The following HMGB1 variants were observed in gnomAD, a reference collection of about 807,000 sequenced individuals.
The protein encoded by HMGB1 is high mobility group protein B1.
For synonymous variants in HMGB1, 81 were observed against 84.0 expected, an observed-to-expected ratio of 0.96 and a Z score of 0.19; for missense variants, 79 against 253.5, an observed-to-expected ratio of 0.31 and a Z score of 4.67.
chr13:30,491,403 G>T (rs1887488855), intron 1 of HMGB1, among the ~76,000 whole-genome samples: 1 of 152,148 alleles, frequency 6.6e-6, no homozygotes, highest in African/African-American at 2.4e-5. Context: ...AAACCTTGAG[G>T]CTGGGCACGG....
intron 1 of HMGB1, among the ~76,000 whole-genome samples, chr13:30,501,221 AC>A (rs1327705488): frequency 6.6e-6 from 1 of 152,198 alleles, no homozygotes; most frequent in Non-Finnish European, 1.5e-5. Context: ...CAAATTACAT[AC>A]TTTTAAGCTA....
chr13:30,599,412 G>A lies in HMGB1; in HGVS notation c.-15+17259C>T, dbSNP rs545560896. Among the ~76,000 whole-genome samples, 9 of 152,330 alleles carry A rather than the reference G, an allele frequency of 5.9e-5. No individual in the cohort carries two copies. The East Asian group carries it at 1.7e-3, about 29-fold the overall frequency. ...GAACCTGGGAGGCGGAGGTTGTGATGAGCTGAGATCAGGCCATTGTACTCC... is the reference window on the plus strand; with the variant it reads ...GAACCTGGGAGGCGGAGGTTGTGATAAGCTGAGATCAGGCCATTGTACTCC... On this transcript the variant is annotated intron_variant, in intron 1 of 4. Coordinates refer to the HMGB1 transcript ENST00000405805.
chr13:30,604,629 C>T (rs1425981142), intron 1 of HMGB1, among the ~76,000 whole-genome samples: 1 of 152,154 alleles, frequency 6.6e-6, no homozygotes, highest in African/African-American at 2.4e-5. Context: ...GTGGTAAGAG[C>T]TGGAGAAGTG....
At chr13:30,470,574 G>A (rs1259699323), upstream of HMGB1, among the ~76,000 whole-genome samples, 2 of 152,338 alleles carry the variant, frequency 1.3e-5, no homozygotes, top group Middle Eastern at 3.4e-3. Flanking sequence ...ACTATGGCAA[G>A]CCAAATTAGA....
At chr13:30,533,933 C>T (rs900346258) in intron 1 of HMGB1, among the ~76,000 whole-genome samples, 1 of 147,368 alleles carries the variant, frequency 6.8e-6, no homozygotes, top group East Asian at 2.0e-4. Flanking sequence ...GGTGTGATCT[C>T]GGCTCACCGC....
chr13:30,537,507 G>C (rs968594632), intron 1 of HMGB1, among the ~76,000 whole-genome samples: 1 of 151,422 alleles, frequency 6.6e-6, no homozygotes, highest in Non-Finnish European at 1.5e-5. Flanking sequence ...GCCTGTTTTT[G>C]AATTTTTATA....
intron 1 of HMGB1, among the ~76,000 whole-genome samples, chr13:30,563,311 A>G (rs1404488291): frequency 6.6e-6 from 1 of 152,180 alleles, no homozygotes; most frequent in East Asian, 1.9e-4. Flanking sequence ...GGCTATTATT[A>G]ATAAAACATT....
chr13:30,607,865 G>A (rs1225970721), intron 1 of HMGB1, among the ~76,000 whole-genome samples: 3 of 152,198 alleles, frequency 2.0e-5, no homozygotes, highest in African/African-American at 7.2e-5. Flanking sequence ...CGATTTTATT[G>A]GGATATTAGA....
chr13:30,482,030 A>G (rs996362364), intron 1 of HMGB1, among the ~76,000 whole-genome samples: 1 of 152,108 alleles, frequency 6.6e-6, no homozygotes, highest in African/African-American at 2.4e-5. Flanking sequence ...GGGTTTCACC[A>G]TATTGGCCAG....
At chr13:30,604,392 C>T (rs947650281) in intron 1 of HMGB1, among the ~76,000 whole-genome samples, 2 of 152,026 alleles carry the variant, frequency 1.3e-5, no homozygotes, top group Non-Finnish European at 2.9e-5. Context: ...ATCCAATATC[C>T]CCCCAAGGAA....
At position 30,601,520 on chromosome 13, in the gene HMGB1, C is replaced by T. The variant is rs1303409487; in HGVS notation, c.-15+15151G>A. On this transcript the variant is annotated intron_variant, in intron 1 of 4. Transcript: ENST00000405805. ...CAGCACTTTGGGAGGCCGAGGCGGG[C>T]GGATCACGAGGTCAAGAGATCGAGA... Among the ~76,000 whole-genome samples the T allele has an allele frequency of 7.8e-5, 3 of 38,448 alleles. 1 individual carries two copies. The highest frequency in any genetic ancestry group is 1.4e-4 in the Non-Finnish European group (3 of 21,594). 25.2% of individuals were successfully genotyped at this position (38,448 alleles called of 152,430 possible).
intron 1 of HMGB1, among the ~76,000 whole-genome samples, chr13:30,612,397 G>A (rs1950521005): frequency 6.6e-6 from 1 of 152,174 alleles, no homozygotes; most frequent in African/African-American, 2.4e-5. Flanking sequence ...AAGAAAAGGG[G>A]ACTAGCATTG....
intron 1 of HMGB1, among the ~76,000 whole-genome samples, chr13:30,516,188 A>G (rs747106546): frequency 5.3e-5 from 8 of 152,214 alleles, no homozygotes; most frequent in Non-Finnish European, 1.2e-4. Flanking sequence ...CAGAAATGCA[A>G]TTTGGGAAAT....
intron 1 of HMGB1, among the ~76,000 whole-genome samples, chr13:30,475,685 CAG>C (rs988504000): frequency 6.6e-6 from 1 of 152,094 alleles, no homozygotes; most frequent in African/African-American, 2.4e-5. Context: ...GCCTGGGCAA[CAG>C]AGAGAGACCC....
At chr13:30,597,744 T>C (rs972762737) in intron 1 of HMGB1, among the ~76,000 whole-genome samples, 1 of 152,204 alleles carries the variant, frequency 6.6e-6, no homozygotes, top group Non-Finnish European at 1.5e-5. Context: ...ACAAGGTTTC[T>C]GTTACATTTT....
chr13:30,616,371 T>A (rs542277930), intron 1 of HMGB1, among the ~76,000 whole-genome samples: 3 of 152,260 alleles, frequency 2.0e-5, no homozygotes, highest in Non-Finnish European at 4.4e-5. Flanking sequence ...AGTTTGGTGA[T>A]GTTGTTTTGC....
At chr13:30,591,203 T>C (rs1020695877) in intron 1 of HMGB1, among the ~76,000 whole-genome samples, 7 of 151,954 alleles carry the variant, frequency 4.6e-5, no homozygotes, top group Non-Finnish European at 7.4e-5. Context: ...GCTAATCTTT[T>C]GTATTTTTAG....
chr13:30,495,450 C>T (rs1887587515), intron 1 of HMGB1, among the ~76,000 whole-genome samples: 2 of 152,012 alleles, frequency 1.3e-5, no homozygotes, highest in East Asian at 1.9e-4. Context: ...TCCAGAGCGA[C>T]ACTGAATATT....
At chr13:30,571,483 A>G (rs1328118113) in intron 1 of HMGB1, among the ~76,000 whole-genome samples, 1 of 151,924 alleles carries the variant, frequency 6.6e-6, no homozygotes, top group African/African-American at 2.4e-5. Context: ...TTTAGTAGAG[A>G]CGGGGTTTCA....
Sources: gnomAD v4.1 joint callset for allele counts (sites outside exome capture counted in the v4.1 genomes callset) on GRCh38, gnomAD v4.1.1 for gene constraint, MANE v1.5 for transcripts, NCBI Gene and HGNC (gene_info 2026-07-23, HGNC 2026-07-21) for gene names.